The following RAB7B variants were observed in gnomAD, a reference collection of about 807,000 sequenced individuals.
The protein encoded by RAB7B is RAB7B, member RAS oncogene family, also known as ras-related protein Rab-7b.
rs1280317375 is a variant in RAB7B at position 205,977,171 on chromosome 1, G to T, written c.*1680C>A. The T allele has an allele frequency of 1.3e-5, 2 of 152,244 alleles. No individual in the cohort carries two copies. The highest frequency in any genetic ancestry group is 4.8e-5 in the African/African-American group (2 of 41,462). 9.4% of individuals were successfully genotyped at this position (152,244 alleles called of 1,614,324 possible). A position where few individuals can be genotyped will look rare whatever the true frequency, so the allele number is the denominator to read the frequency against. On this transcript the variant is annotated 3_prime_UTR_variant, in exon 6 of 6. Coordinates refer to ENST00000617070, the MANE Select transcript of RAB7B (RefSeq NM_001164522.3). ...AAGGATACTTACGGGTAGACAGAAAGATTCTGCAGTGGGCATGGACTTGGC... is the reference window on the plus strand; with the variant it reads ...AAGGATACTTACGGGTAGACAGAAATATTCTGCAGTGGGCATGGACTTGGC...
At chr1:205,986,642 G>A (rs1660613296) in intron 4 of RAB7B, among the ~76,000 whole-genome samples, 1 of 152,212 alleles carries the variant, frequency 6.6e-6, no homozygotes, top group Admixed American at 6.5e-5. Flanking sequence ...AATTTGTGAT[G>A]TTGGCTTGGA....
chr1:206,001,550 C>T (rs1041192844), intron 1 of RAB7B, among the ~76,000 whole-genome samples: 1 of 152,174 alleles, frequency 6.6e-6, no homozygotes, highest in African/African-American at 2.4e-5. Context: ...ATGCTTCAAA[C>T]CAAGGAATCC....
chr1:205,984,163 G>C (rs1034575714), intron 5 of RAB7B: 21 of 152,280 alleles, frequency 1.4e-4, no homozygotes, highest in African/African-American at 4.8e-4. Context: ...AGCACTAAGA[G>C]AGGGACACCT....
chr1:205,981,007 CCT>C lies in RAB7B; in HGVS notation c.523-2081_523-2080del, dbSNP rs1277325037. Among the ~76,000 whole-genome samples, 8 of 151,878 alleles carry C rather than the reference CCT, an allele frequency of 5.3e-5. 1 individual carries two copies. The highest frequency in any genetic ancestry group is 3.9e-4 in the Admixed American group (6 of 15,248). The stretch of plus-strand genomic sequence containing the variant: ...GCCTGACTTCCTGGGCTCAGGTGAT[CCT>C]CCCACCTTAGCCTCCCAAGTAGCTG... On this transcript the variant is annotated intron_variant, in intron 5 of 5. Coordinates refer to ENST00000617070, the MANE Select transcript of RAB7B (RefSeq NM_001164522.3).
chr1:205,997,733 C>T (rs1023948920), intron 1 of RAB7B, among the ~76,000 whole-genome samples: 3 of 152,100 alleles, frequency 2.0e-5, no homozygotes, highest in Non-Finnish European at 4.4e-5. Context: ...GCATGGCTCT[C>T]GAAGTATTTG....
intron 5 of RAB7B, among the ~76,000 whole-genome samples, chr1:205,981,763 G>A (rs1442610517): frequency 1.7e-5 from 1 of 59,106 alleles, no homozygotes. Context: ...CAGAATGTTA[G>A]CTGAACACCT....
chr1:205,989,388 C>T (rs946181694), intron 4 of RAB7B, among the ~76,000 whole-genome samples: 9 of 152,220 alleles, frequency 5.9e-5, no homozygotes, highest in African/African-American at 1.9e-4. Context: ...GGATTGGACC[C>T]CCTCTACTCC....
chr1:206,000,097 A>G (rs1040465166), intron 1 of RAB7B, among the ~76,000 whole-genome samples: 1 of 152,228 alleles, frequency 6.6e-6, no homozygotes, highest in African/African-American at 2.4e-5. Flanking sequence ...AAAAGATGAA[A>G]TAATGAAGTG....
intron 1 of RAB7B, among the ~76,000 whole-genome samples, chr1:205,996,381 C>T (rs1660813544): frequency 6.6e-6 from 1 of 152,106 alleles, no homozygotes; most frequent in Non-Finnish European, 1.5e-5. Context: ...GTTTCCCCTG[C>T]TACTTGGAAA....
intron 1 of RAB7B, among the ~76,000 whole-genome samples, chr1:206,001,177 G>A (rs1660884889): frequency 6.6e-6 from 1 of 152,142 alleles, no homozygotes; most frequent in Admixed American, 6.5e-5. Flanking sequence ...GCGGTTTGTG[G>A]GGTGACGCAG....
At chr1:205,987,309 A>G (rs2102635806) in intron 4 of RAB7B, among the ~76,000 whole-genome samples, 1 of 152,310 alleles carries the variant, frequency 6.6e-6, no homozygotes, top group South Asian at 2.1e-4. Flanking sequence ...AAATAAGCTC[A>G]GGGTGTGATA....
At chr1:205,978,965 A>C (rs898898793) in intron 5 of RAB7B, 37 bp from the exon 6 acceptor site, 4 of 398,444 alleles carry the variant, frequency 1.0e-5, no homozygotes, top group African/African-American at 6.2e-5. Context: ...TCATGTCCTG[A>C]GATACAGAGT....
chr1:205,996,738 G>C (rs977968743), intron 1 of RAB7B, among the ~76,000 whole-genome samples: 95 of 152,296 alleles, frequency 6.2e-4, no homozygotes, highest in African/African-American at 2.0e-3. Context: ...GGTTTAATTG[G>C]TTCCGCATGG....
rs1412115501 is a variant in RAB7B at position 205,994,122 on chromosome 1, T to TTCC, written c.11_13dup (p.Arg4dup). 3 of 398,558 alleles carry TTCC rather than the reference T, an allele frequency of 7.5e-6. No individual in the cohort carries two copies. Among genetic ancestry groups the TTCC allele is most frequent in the Non-Finnish European group, 1.3e-5 (3 of 226,094 alleles). 24.7% of individuals were successfully genotyped at this position (398,558 alleles called of 1,614,324 possible). A position where few individuals can be genotyped will look rare whatever the true frequency, so the allele number is the denominator to read the frequency against. ...GATAATGAGTTTCAGGTCCACCTTCTTCCGGGGATTCATGGAAGGGCTTCA... is the reference window on the plus strand; with the variant it reads ...GATAATGAGTTTCAGGTCCACCTTCTTCCTCCGGGGATTCATGGAAGGGCTTCA... On this transcript the variant is annotated inframe_insertion, in exon 2 of 6. Transcript: ENST00000617070.
intron 3 of RAB7B, among the ~76,000 whole-genome samples, 157 bp downstream of exon 3, chr1:205,993,263 T>C (rs1660755693): frequency 6.6e-6 from 1 of 152,176 alleles, no homozygotes. Flanking sequence ...TTTACAAAAA[T>C]AGGAGGTGGA....
chr1:205,988,679 T>G (rs1325141383), intron 4 of RAB7B, among the ~76,000 whole-genome samples: 1 of 152,222 alleles, frequency 6.6e-6, no homozygotes, highest in Non-Finnish European at 1.5e-5. Flanking sequence ...CTTCCTATTA[T>G]TACTCAGTCT....
intron 5 of RAB7B, among the ~76,000 whole-genome samples, chr1:205,979,145 A>C (rs1660441281): frequency 6.6e-6 from 1 of 152,080 alleles, no homozygotes; most frequent in African/African-American, 2.4e-5. Flanking sequence ...AGAGCAGGTC[A>C]GTGTCTGAAT....
chr1:205,991,050 C>T (rs1433174109), intron 4 of RAB7B, among the ~76,000 whole-genome samples: 1 of 152,098 alleles, frequency 6.6e-6, no homozygotes, highest in Non-Finnish European at 1.5e-5. Flanking sequence ...GGATTACAGG[C>T]GTGAGCCACT....
intron 4 of RAB7B, among the ~76,000 whole-genome samples, chr1:205,989,190 T>A (rs1181923543): frequency 6.6e-6 from 1 of 152,138 alleles, no homozygotes; most frequent in Admixed American, 6.5e-5. Context: ...CCTGTCTGGC[T>A]GAACCCTGGC....
Sources: gnomAD v4.1 joint callset for allele counts (sites outside exome capture counted in the v4.1 genomes callset) on GRCh38, gnomAD v4.1.1 for gene constraint, MANE v1.5 for transcripts, NCBI Gene and HGNC (gene_info 2026-07-23, HGNC 2026-07-21) for gene names.